Variants in KAZN observed in about 807,000 individuals in gnomAD.
KAZN encodes kazrin.
A neutral mutation model predicts 87.4 loss-of-function variants in KAZN; 40 were observed. The ratio of observed to expected loss-of-function variants is 0.46; its 90% confidence interval spans 0.36 to 0.60. KAZN has a LOEUF of 0.60. KAZN is among the 20% of genes least tolerant of loss of function. The pLI is 0.00. For synonymous variants in KAZN, 466 were observed against 458.3 expected (o/e 1.02, Z -0.22); for missense variants, 898 against 1,073.9 (o/e 0.84, Z 2.29).
At chr1:14,359,256 CT>C (rs908248666) in intron 2 of KAZN, among the ~76,000 whole-genome samples, 256 of 149,086 alleles carry the variant, frequency 1.7e-3, no homozygotes, top group African/African-American at 5.7e-3. Context: ...CTTTTTTTTT[CT>C]TTTTTTTTCC....
intron 1 of KAZN, among the ~76,000 whole-genome samples, chr1:14,859,483 G>A (rs1650583694): frequency 6.6e-6 from 1 of 152,124 alleles, no homozygotes. Context: ...GTACATTTTT[G>A]AAAATCCGGC....
At chr1:14,490,485 T>G (rs551639753) in intron 2 of KAZN, among the ~76,000 whole-genome samples, 67 of 152,150 alleles carry the variant, frequency 4.4e-4, no homozygotes, top group African/African-American at 1.6e-3. Context: ...TGTTTGTTTT[T>G]TTGGTTTGTT....
intron 2 of KAZN, among the ~76,000 whole-genome samples, chr1:14,444,305 G>GTTTTT (rs1666855909): frequency 2.5e-5 from 3 of 117,830 alleles, no homozygotes; most frequent in African/African-American, 1.2e-4. Flanking sequence ...CTAAATTCAT[G>GTTTTT]ATTTTTTTTT....
intron 2 of KAZN, among the ~76,000 whole-genome samples, chr1:14,585,846 A>G (rs1042626065): frequency 6.6e-6 from 1 of 152,146 alleles, no homozygotes; most frequent in Non-Finnish European, 1.5e-5. Flanking sequence ...CATCGCCCAC[A>G]TCCCCGAGGG....
intron 2 of KAZN, among the ~76,000 whole-genome samples, chr1:14,406,088 CAT>C (rs747159559): frequency 3.9e-5 from 6 of 152,222 alleles, no homozygotes; most frequent in African/African-American, 9.6e-5. Flanking sequence ...TTTGAAATAA[CAT>C]AAAGAATGTA....
intron 13 of KAZN, among the ~76,000 whole-genome samples, chr1:15,106,855 G>A (rs1641312473): frequency 6.6e-6 from 1 of 152,184 alleles, no homozygotes; most frequent in African/African-American, 2.4e-5. Flanking sequence ...CCAACAATGT[G>A]TCAGTCATAG....
At chr1:13,931,127 AG>A (rs1298545571) in intron 1 of KAZN, among the ~76,000 whole-genome samples, 1 of 152,210 alleles carries the variant, frequency 6.6e-6, no homozygotes, top group Non-Finnish European at 1.5e-5. Context: ...TAAATAATGA[AG>A]GGTCATTTAT....
intron 3 of KAZN, among the ~76,000 whole-genome samples, chr1:15,041,776 C>T (rs1324564565): frequency 6.6e-6 from 1 of 152,086 alleles, no homozygotes; most frequent in African/African-American, 2.4e-5. Flanking sequence ...CAACCCCCTT[C>T]CAGTTCCAGA....
intron 2 of KAZN, among the ~76,000 whole-genome samples, chr1:14,449,843 T>G (rs569953299): frequency 2.6e-4 from 40 of 152,308 alleles, no homozygotes; most frequent in African/African-American, 9.6e-4. Context: ...ATCTCGGTTA[T>G]TTCAAATGCA....
intron 2 of KAZN, among the ~76,000 whole-genome samples, chr1:14,375,973 T>C (rs553271707): frequency 1.3e-5 from 2 of 151,648 alleles, no homozygotes; most frequent in African/African-American, 2.4e-5. Context: ...CATTGGAGTA[T>C]GTATGGAGCC....
At chr1:13,980,931 C>T (rs1457894594) in intron 1 of KAZN, among the ~76,000 whole-genome samples, 1 of 151,446 alleles carries the variant, frequency 6.6e-6, no homozygotes, top group East Asian at 1.9e-4. Context: ...GGCAGTCAGA[C>T]TTTATGTATA....
intron 2 of KAZN, among the ~76,000 whole-genome samples, chr1:14,547,883 A>G (rs1437984418): frequency 2.0e-5 from 3 of 152,024 alleles, no homozygotes; most frequent in African/African-American, 7.2e-5. Context: ...ACAAAAATGA[A>G]CAAAGAATAC....
chr1:14,457,036 C>T (rs1275976901), intron 2 of KAZN, among the ~76,000 whole-genome samples: 4 of 152,286 alleles, frequency 2.6e-5, no homozygotes, highest in East Asian at 3.9e-4. Flanking sequence ...GCCAAGATCG[C>T]ACCACTGCAC....
At chr1:15,034,354 G>A (rs1417653513) in intron 2 of KAZN, among the ~76,000 whole-genome samples, 3 of 152,206 alleles carry the variant, frequency 2.0e-5, no homozygotes, top group Non-Finnish European at 2.9e-5. Context: ...TGGTTCCAGT[G>A]GACTCAGGGT....
chr1:13,983,389 C>T (rs963784232), intron 1 of KAZN, among the ~76,000 whole-genome samples: 8 of 152,254 alleles, frequency 5.3e-5, no homozygotes, highest in Non-Finnish European at 8.8e-5. Context: ...GTACACTCTC[C>T]GCAGCCATTG....
At chr1:14,127,399 G>GTT (rs574276908) in intron 1 of KAZN, among the ~76,000 whole-genome samples, 5 of 47,686 alleles carry the variant, frequency 1.0e-4, no homozygotes, top group Non-Finnish European at 1.1e-4. Flanking sequence ...CTTTACTGTT[G>GTT]TTTTTTTTTT....
chr1:15,016,103 A>G (rs1670067282), intron 2 of KAZN, among the ~76,000 whole-genome samples: 2 of 152,118 alleles, frequency 1.3e-5, no homozygotes, highest in Non-Finnish European at 2.9e-5. Flanking sequence ...GGAAGAGAAG[A>G]GAAGAGAGGA....
intron 1 of KAZN, among the ~76,000 whole-genome samples, chr1:13,922,009 G>A (rs981851791): frequency 6.6e-6 from 1 of 152,048 alleles, no homozygotes; most frequent in African/African-American, 2.4e-5. Context: ...TTTTCCATGT[G>A]TCTTTTCCTT....
chr1:14,162,547 CT>C (rs113937893), intron 1 of KAZN, among the ~76,000 whole-genome samples: 213 of 138,778 alleles, frequency 1.5e-3, no homozygotes, highest in East Asian at 0.012. Context: ...TTTCTTTTTT[CT>C]TTTTTTTTTT....
Sources: gnomAD v4.1 joint callset for allele counts (sites outside exome capture counted in the v4.1 genomes callset) on GRCh38, gnomAD v4.1.1 for gene constraint, MANE v1.5 for transcripts, NCBI Gene and HGNC (gene_info 2026-07-23, HGNC 2026-07-21) for gene names.